PTPRD: variants seen among roughly 807,000 people sequenced by gnomAD.
PTPRD encodes protein tyrosine phosphatase receptor type D.
Under a neutral mutation model 214.5 loss-of-function variants are expected in PTPRD, and 34 were observed. The ratio of observed to expected loss-of-function variants is 0.16; its 90% confidence interval spans 0.12 to 0.21. The LOEUF (loss-of-function observed/expected upper bound fraction) is 0.21, where lower values mean the gene tolerates loss of function less well. Among genes scored for constraint, PTPRD ranks in the 10% least tolerant of loss-of-function variants. PTPRD has a pLI of 1.00. For missense variants in PTPRD, 2,545 were observed against 2,398.7 expected (o/e 1.06, Z -1.27); for synonymous variants, 1,128 against 845.7 (o/e 1.33, Z -5.79).
chr9:9,802,833 C>A (rs1184038356), intron 5 of PTPRD, among the ~76,000 whole-genome samples: 2 of 151,914 alleles, frequency 1.3e-5, no homozygotes, highest in Non-Finnish European at 2.9e-5. Context: ...ATGAAACAAA[C>A]TTACAATTGT....
intron 11 of PTPRD, among the ~76,000 whole-genome samples, chr9:8,958,515 A>C (rs913227508): frequency 6.6e-6 from 1 of 151,942 alleles, no homozygotes; most frequent in Non-Finnish European, 1.5e-5. Context: ...GGCCCAGAAG[A>C]AGACCCAGGA....
chr9:9,074,490 C>T (rs1235645903), intron 10 of PTPRD, among the ~76,000 whole-genome samples: 1 of 151,990 alleles, frequency 6.6e-6, no homozygotes, highest in Admixed American at 6.6e-5. Flanking sequence ...AAAATTGAGA[C>T]TTGTAATTTC....
intron 3 of PTPRD, among the ~76,000 whole-genome samples, chr9:10,066,446 A>G (rs770213062): frequency 1.2e-4 from 18 of 151,704 alleles, no homozygotes; most frequent in Admixed American, 3.3e-4. Context: ...TAATTTCATT[A>G]CCAGGTTTCA....
intron 9 of PTPRD, among the ~76,000 whole-genome samples, chr9:9,238,682 C>T (rs1355309215): frequency 6.6e-6 from 1 of 152,050 alleles, no homozygotes; most frequent in Non-Finnish European, 1.5e-5. Context: ...TTAGGTCACC[C>T]ACCAGCTTCA....
At chr9:9,517,951 G>C (rs1027518689) in intron 8 of PTPRD, among the ~76,000 whole-genome samples, 4 of 151,258 alleles carry the variant, frequency 2.6e-5, no homozygotes, top group African/African-American at 9.7e-5. Context: ...TACTTTAAAA[G>C]TTAAAATTAT....
chr9:10,293,138 G>C, intron 3 of PTPRD, among the ~76,000 whole-genome samples: 1 of 151,860 alleles, frequency 6.6e-6, no homozygotes, highest in East Asian at 1.9e-4. Context: ...GGCTAATACA[G>C]AATTTCATTC....
intron 3 of PTPRD, among the ~76,000 whole-genome samples, chr9:10,129,883 G>T (rs34655498): frequency 0.072 from 10,961 of 151,788 alleles, 461 homozygotes; most frequent in East Asian, 0.13. Context: ...CTAAACAAAA[G>T]CTTATTTGAG....
intron 5 of PTPRD, among the ~76,000 whole-genome samples, chr9:9,918,420 C>G (rs2081576296): frequency 7.6e-6 from 1 of 132,076 alleles, no homozygotes; most frequent in South Asian, 2.4e-4. Context: ...GAAGAAGATA[C>G]AAATAAAAAG....
At chr9:8,704,637 G>C (rs1280763022) in intron 12 of PTPRD, among the ~76,000 whole-genome samples, 3 of 152,062 alleles carry the variant, frequency 2.0e-5, no homozygotes, top group South Asian at 4.1e-4. Context: ...CTTAAGACAG[G>C]TAAAATACCC....
intron 2 of PTPRD, among the ~76,000 whole-genome samples, chr9:10,378,780 A>C (rs1181848578): frequency 6.6e-6 from 1 of 151,936 alleles, no homozygotes; most frequent in African/African-American, 2.4e-5. Flanking sequence ...TTTTGCATAG[A>C]ATAGTTTTGG....
intron 35 of PTPRD, among the ~76,000 whole-genome samples, chr9:8,409,887 A>G (rs2093369971): frequency 6.6e-6 from 1 of 152,198 alleles, no homozygotes; most frequent in Non-Finnish European, 1.5e-5. Context: ...GGTCAGACTA[A>G]CCATTCTTTT....
chr9:8,933,107 C>G (rs2098964516), intron 11 of PTPRD, among the ~76,000 whole-genome samples: 7 of 152,018 alleles, frequency 4.6e-5, no homozygotes, highest in Admixed American at 4.6e-4. Context: ...CATGGCTCCC[C>G]TTAGCTAGGG....
At chr9:9,936,297 A>T (rs1252344536) in intron 5 of PTPRD, among the ~76,000 whole-genome samples, 19 of 151,288 alleles carry the variant, frequency 1.3e-4, no homozygotes, top group African/African-American at 4.4e-4. Context: ...AGGCAACCTA[A>T]AAAATGGGAG....
chr9:9,969,483 C>T (rs985893432), intron 4 of PTPRD, among the ~76,000 whole-genome samples: 3 of 152,192 alleles, frequency 2.0e-5, no homozygotes, highest in African/African-American at 7.2e-5. Context: ...AGAAATGCAA[C>T]TTACTCAACC....
Position 9,401,948 on chromosome 9 carries a change from C to T in PTPRD, c.-236-4466G>A, listed in dbSNP as rs1023169300. Reference sequence around the variant, plus strand: ...TCCCAAGCCAAGCAGAACTGTGAGTCAATTAAACCTCTCTCCTTTATAAGT... The same window carrying T: ...TCCCAAGCCAAGCAGAACTGTGAGTTAATTAAACCTCTCTCCTTTATAAGT... On this transcript the variant is annotated intron_variant, in intron 8 of 45. Coordinates refer to ENST00000381196, the MANE Select transcript of PTPRD (RefSeq NM_002839.4). Among the ~76,000 whole-genome samples the T allele has an allele frequency of 5.3e-5, 8 of 152,116 alleles. No individual in the cohort carries two copies. In the South Asian group the frequency reaches 1.7e-3, roughly 32 times the overall value.
At chr9:9,595,293 T>TAC in intron 7 of PTPRD, among the ~76,000 whole-genome samples, 1 of 3,026 alleles carries the variant, frequency 3.3e-4, no homozygotes, top group East Asian at 0.083. Flanking sequence ...ATATATTATA[T>TAC]ATATATATAT....
chr9:8,764,125 T>A (rs928849416), intron 11 of PTPRD, among the ~76,000 whole-genome samples: 3 of 152,206 alleles, frequency 2.0e-5, no homozygotes, highest in African/African-American at 4.8e-5. Context: ...CTCTAATTAT[T>A]CCAGGACTGC....
chr9:8,641,516 C>G (rs1595886016), intron 12 of PTPRD, among the ~76,000 whole-genome samples: 1 of 148,346 alleles, frequency 6.7e-6, no homozygotes, highest in Non-Finnish European at 1.5e-5. Flanking sequence ...TAAACTAATG[C>G]CAGGTACTGC....
intron 8 of PTPRD, among the ~76,000 whole-genome samples, chr9:9,435,904 T>A (rs566262521): frequency 2.6e-5 from 4 of 152,198 alleles, no homozygotes; most frequent in Non-Finnish European, 5.9e-5. Flanking sequence ...AAATCAGATG[T>A]CTGGCACAAA....
Sources: allele counts gnomAD v4.1 joint callset (sites outside exome capture counted in the v4.1 genomes callset), GRCh38; gene constraint gnomAD v4.1.1; transcripts MANE v1.5; gene names NCBI Gene and HGNC (gene_info 2026-07-23, HGNC 2026-07-21).